The following MACROD2 variants were observed in gnomAD, a reference collection of about 807,000 sequenced individuals.
MACROD2 encodes the protein mono-ADP ribosylhydrolase 2, also known as ADP-ribose glycohydrolase MACROD2.
A neutral mutation model predicts 70.4 loss-of-function variants in MACROD2; 36 were observed. The observed-to-expected ratio is 0.51, with a 90% confidence interval of 0.39 to 0.68. MACROD2 has a LOEUF of 0.68. Among genes scored for constraint, MACROD2 ranks in the 30% least tolerant of loss-of-function variants. The pLI is 0.00. For missense variants in MACROD2, 496 were observed against 538.4 expected, an observed-to-expected ratio of 0.92 and a Z score of 0.78; for synonymous variants, 172 against 178.8, an observed-to-expected ratio of 0.96 and a Z score of 0.30.
intron 5 of MACROD2, among the ~76,000 whole-genome samples, chr20:14,789,469 T>C (rs2123799197): frequency 1.7e-5 from 2 of 114,598 alleles, no homozygotes; most frequent in Non-Finnish European, 3.6e-5. Flanking sequence ...AATTTTTTTT[T>C]TTTTTTTTTT....
intron 5 of MACROD2, among the ~76,000 whole-genome samples, chr20:15,051,615 C>G (rs538008010): frequency 6.6e-6 from 1 of 152,254 alleles, no homozygotes; most frequent in African/African-American, 2.4e-5. Context: ...ATCTCCTCCA[C>G]TTCAAGTTAA....
rs142384616 is a variant in MACROD2, at chr20:14,155,292, T to C, written c.271+69564T>C. 2.8e-3 allele frequency among the ~76,000 whole-genome samples: 426 copies of C among 152,328 alleles called. 2 individuals are homozygous for C. The highest frequency in any genetic ancestry group is 9.7e-3 in the African/African-American group (402 of 41,582). ...AAATATATCTGTAATAACATTCAAA[T>C]TGAAGAAAGATAATTGGCTCAAAAA... is the stretch of plus-strand genomic sequence containing the variant. On this transcript the variant is annotated intron_variant, in intron 3 of 17. Transcript: ENST00000684519.
At chr20:15,971,418 T>C (rs909055436) in intron 13 of MACROD2, among the ~76,000 whole-genome samples, 4 of 151,602 alleles carry the variant, frequency 2.6e-5, no homozygotes, top group Non-Finnish European at 4.4e-5. Context: ...TAAAGGGGAG[T>C]TTCCCTGCAC....
At chr20:14,048,888 A>G (rs1388327900) in intron 2 of MACROD2, among the ~76,000 whole-genome samples, 1 of 152,204 alleles carries the variant, frequency 6.6e-6, no homozygotes, top group Admixed American at 6.5e-5. Flanking sequence ...TAGGAAAGAA[A>G]TGACAGCTGA....
intron 8 of MACROD2, among the ~76,000 whole-genome samples, chr20:15,514,158 TAA>T (rs2047536598): frequency 6.6e-6 from 1 of 152,212 alleles, no homozygotes; most frequent in Non-Finnish European, 1.5e-5. Flanking sequence ...TACAATAAGT[TAA>T]AGTTAATTTA....
At position 15,330,572 on chromosome 20, in the gene MACROD2, C is replaced by T. The variant is rs542402764; in HGVS notation, c.540+100511C>T. ...CAGAGCAACAAAAAATGTAGGACTG[C>T]TTCCTATTTCAAGTTCTATTTCTAG... On this transcript the variant is annotated intron_variant, in intron 6 of 17. Transcript: ENST00000684519. Among the ~76,000 whole-genome samples the T allele has an allele frequency of 1.6e-4, 24 of 151,658 alleles. No individual in the cohort carries two copies. In the East Asian group the frequency reaches 4.3e-3, roughly 27 times the overall value.
At chr20:15,384,489 A>G (rs1193751536) in intron 6 of MACROD2, among the ~76,000 whole-genome samples, 1 of 152,102 alleles carries the variant, frequency 6.6e-6, no homozygotes, top group East Asian at 1.9e-4. Flanking sequence ...AATTAAAAAT[A>G]TTTCTCATGA....
chr20:15,209,912 G>A (rs926216857), intron 5 of MACROD2, among the ~76,000 whole-genome samples: 3 of 152,188 alleles, frequency 2.0e-5, no homozygotes, highest in Non-Finnish European at 2.9e-5. Flanking sequence ...TCTAATGCCA[G>A]GATGGTTCTC....
chr20:14,735,965 A>C (rs1473545896), intron 5 of MACROD2, among the ~76,000 whole-genome samples: 1 of 152,196 alleles, frequency 6.6e-6, no homozygotes, highest in African/African-American at 2.4e-5. Flanking sequence ...CAGCAATTCT[A>C]CGCCTAGATA....
chr20:15,945,962 G>A (rs1253692747), intron 12 of MACROD2, among the ~76,000 whole-genome samples: 2 of 152,154 alleles, frequency 1.3e-5, no homozygotes, highest in African/African-American at 4.8e-5. Flanking sequence ...CCTGTGCAAG[G>A]TGAGCAGGGA....
chr20:14,501,426 A>G (rs571443759), intron 4 of MACROD2, among the ~76,000 whole-genome samples: 47 of 151,524 alleles, frequency 3.1e-4, no homozygotes, highest in African/African-American at 1.1e-3. Flanking sequence ...CATTGACATC[A>G]TATTACTAAT....
intron 4 of MACROD2, among the ~76,000 whole-genome samples, chr20:14,513,562 T>C (rs958958966): frequency 5.3e-5 from 8 of 152,124 alleles, no homozygotes; most frequent in African/African-American, 1.2e-4. Context: ...ATCTACAAAT[T>C]ATAGGTGGGG....
chr20:14,732,845 A>G (rs1484414116), intron 5 of MACROD2, among the ~76,000 whole-genome samples: 1 of 152,040 alleles, frequency 6.6e-6, no homozygotes, highest in African/African-American at 2.4e-5. Flanking sequence ...CAAGCCATGC[A>G]CTTTGTCCTC....
At position 15,087,047 on chromosome 20, in the gene MACROD2, C is replaced by T. The variant is rs115269864; in HGVS notation, c.419-142893C>T. On this transcript the variant is annotated intron_variant, in intron 5 of 17. Coordinates refer to ENST00000684519, the MANE Select transcript of MACROD2 (RefSeq NM_001351661.2). The stretch of plus-strand genomic sequence containing the variant: ...TTGATACCATAATTGTAGGGAAAAT[C>T]TATTTAATTATCTATACCAATACCT... 5.0e-3 allele frequency among the ~76,000 whole-genome samples: 768 copies of T among 152,130 alleles called. 11 individuals are homozygous for T. The highest frequency in any genetic ancestry group is 0.017 in the African/African-American group (709 of 41,528).
At chr20:15,610,020 C>G (rs1458577389) in intron 8 of MACROD2, among the ~76,000 whole-genome samples, 1 of 152,184 alleles carries the variant, frequency 6.6e-6, no homozygotes. Flanking sequence ...ATTTCTTCTT[C>G]TGTCTCCCTT....
At chr20:14,993,093 C>A (rs982256420) in intron 5 of MACROD2, among the ~76,000 whole-genome samples, 1 of 152,052 alleles carries the variant, frequency 6.6e-6, no homozygotes, top group Non-Finnish European at 1.5e-5. Flanking sequence ...TGCCAGAAAC[C>A]GCCTGTTTCT....
intron 4 of MACROD2, among the ~76,000 whole-genome samples, chr20:14,639,146 G>A (rs911912218): frequency 2.6e-5 from 4 of 152,070 alleles, no homozygotes; most frequent in East Asian, 3.9e-4. Context: ...GCAACAAAGT[G>A]CCCTGGGGTT....
chr20:15,270,638 T>G (rs929319563), intron 6 of MACROD2, among the ~76,000 whole-genome samples: 1 of 152,202 alleles, frequency 6.6e-6, no homozygotes, highest in African/African-American at 2.4e-5. Flanking sequence ...AAATACCTTT[T>G]GGGCAAAAAT....
chr20:14,414,359 T>G (rs1333201024), intron 3 of MACROD2, among the ~76,000 whole-genome samples: 1 of 152,102 alleles, frequency 6.6e-6, no homozygotes. Flanking sequence ...ACATCTTAAA[T>G]CCAGTCACCC....
Sources: gnomAD v4.1 joint callset for allele counts (sites outside exome capture counted in the v4.1 genomes callset) on GRCh38, gnomAD v4.1.1 for gene constraint, MANE v1.5 for transcripts, NCBI Gene and HGNC (gene_info 2026-07-23, HGNC 2026-07-21) for gene names.